NBPF20: variants seen among roughly 807,000 people sequenced by gnomAD.
NBPF20 encodes NBPF member 20.
A neutral mutation model predicts 68.1 loss-of-function variants in NBPF20; 90 were observed. The observed-to-expected ratio is 1.32, with a 90% CI of 1.11 to 1.58. The LOEUF is 1.58. Ranked by LOEUF, NBPF20 falls within the 40% of genes most tolerant of loss-of-function variation. The pLI is 0.00. For synonymous variants in NBPF20, 290 were observed against 228.1 expected, an observed-to-expected ratio of 1.27 and a Z score of -2.45; for missense variants, 816 against 601.2, an observed-to-expected ratio of 1.36 and a Z score of -3.74.
intron 119 of NBPF20, among the ~76,000 whole-genome samples, chr1:145,306,324 G>T (rs1370330690): frequency 6.9e-6 from 1 of 145,700 alleles, no homozygotes; most frequent in Non-Finnish European, 1.5e-5. Flanking sequence ...CACAGAGAGA[G>T]AGAACGAGCT....
intron 9 of NBPF20, 117 bp from the exon 15 acceptor site, chr1:145,393,363 T>C (rs1662010442): frequency 1.4e-6 from 1 of 708,838 alleles, no homozygotes; most frequent in African/African-American, 1.8e-5. Flanking sequence ...ACAGATCCAT[T>C]AATGAGGTAA....
chr1:145,402,538 GA>G (rs1662572181), intron 3 of NBPF20, among the ~76,000 whole-genome samples, 157 bp from the exon 9 acceptor site: 1 of 152,014 alleles, frequency 6.6e-6, no homozygotes, highest in African/African-American at 2.4e-5. Context: ...AGAAAGAATA[GA>G]AAATGGTTTA....
chr1:145,334,787 C>T (rs1661554623), intron 83 of NBPF20, among the ~76,000 whole-genome samples, 156 bp from the exon 89 acceptor site: 2 of 127,546 alleles, frequency 1.6e-5, no homozygotes, highest in Admixed American at 7.8e-5. Flanking sequence ...TTGGGATAGA[C>T]CAGGGCCAGG....
In NBPF20 at chr1:145,352,325, A is replaced by G. The variant is rs1291573510; in HGVS notation, c.7350-236T>C. 2.4e-4 allele frequency among the ~76,000 whole-genome samples: 22 copies of G among 90,870 alleles called. 2 individuals carry two copies. Among genetic ancestry groups the G allele is most frequent in the African/African-American group, 9.2e-4 (22 of 24,014 alleles). The allele number at this position is 90,870 out of a possible 152,430, so 59.6% of individuals were successfully genotyped here. A position where few individuals can be genotyped will look rare whatever the true frequency, so the allele number is the denominator to read the frequency against. On this transcript the variant is annotated intron_variant, in intron 61 of 137. Transcript: ENST00000369373. ...CACACACACACACACACACACACACACACAGACACACACACACACACAGAG... is the reference window on the plus strand; with the variant it reads ...CACACACACACACACACACACACACGCACAGACACACACACACACACAGAG...
chr1:145,395,595 T>C (rs1211393818), intron 7 of NBPF20, among the ~76,000 whole-genome samples: 2 of 149,860 alleles, frequency 1.3e-5, no homozygotes, highest in African/African-American at 2.5e-5. Context: ...ATTTCTTTTC[T>C]TGCAAAAATA....
intron 115 of NBPF20, among the ~76,000 whole-genome samples, chr1:145,309,455 C>T (rs1661446231): frequency 1.6e-5 from 1 of 61,898 alleles, no homozygotes; most frequent in Non-Finnish European, 3.2e-5. Flanking sequence ...GACACACACA[C>T]ACACACACAC....
chr1:145,291,476 C>A, exon 138 of NBPF20: 1 of 1,611,970 alleles, frequency 6.2e-7, no homozygotes, highest in Non-Finnish European at 8.5e-7. Context: ...CTTCACGTGC[C>A]TATAGGTCCT....
At chr1:145,394,245 T>C (rs1662101476) in intron 8 of NBPF20, among the ~76,000 whole-genome samples, 2 of 151,656 alleles carry the variant, frequency 1.3e-5, no homozygotes, top group African/African-American at 4.9e-5. Context: ...TAACACCTCA[T>C]AGGAGAGACA....
At chr1:145,292,030 T>C (rs782820070) in intron 137 of NBPF20, among the ~76,000 whole-genome samples, 4 of 149,512 alleles carry the variant, frequency 2.7e-5, no homozygotes, top group Non-Finnish European at 5.9e-5. Flanking sequence ...GGTGACATAC[T>C]GGTAAGGGAG....
intron 79 of NBPF20, among the ~76,000 whole-genome samples, chr1:145,338,068 G>A (rs1661589431): frequency 3.5e-5 from 3 of 85,204 alleles, no homozygotes; most frequent in Non-Finnish European, 4.9e-5. Context: ...GAGAGAGAAC[G>A]AGCTCAGTGA....
the NBPF20 span, among the ~76,000 whole-genome samples, chr1:145,412,498 G>A: frequency 6.6e-6 from 1 of 151,840 alleles, no homozygotes; most frequent in African/African-American, 2.4e-5. Context: ...AAGGAAACAA[G>A]GCAATATTTT....
Position 145,289,994 on chromosome 1 carries a change from G to A in NBPF20, c.*1532C>T, listed in dbSNP as rs3894993. ...AACACTGAATGTAAAAAACAATCCA[G>A]AAGTCCAGAGTGATAGGCAAAAGGT... On this transcript the variant is annotated 3_prime_UTR_variant, in exon 138 of 138. Coordinates refer to ENST00000369373, the Ensembl canonical transcript of NBPF20. 7 of 145,952 alleles carry A rather than the reference G, an allele frequency of 4.8e-5. No individual in the cohort carries two copies. The highest frequency in any genetic ancestry group is 2.0e-4 in the East Asian group (1 of 5,122). The allele number at this position is 145,952 out of a possible 1,614,324, so 9.0% of individuals were successfully genotyped here.
chr1:145,393,966 A>T lies in NBPF20; in HGVS notation c.992-31T>A, dbSNP rs2101535954. ...AATAAATTCAGATGGGCCCTCTTAC[A>T]TTAAGCAGTTCTTCCTTGCACACAG... On this transcript the variant is annotated intron_variant, in intron 8 of 137. Transcript: ENST00000369373. 4.4e-6 allele frequency: 5 copies of T among 1,138,330 alleles called. No individual in the cohort carries two copies. The East Asian group carries it at 1.2e-4, about 27-fold the overall frequency. 70.5% of individuals were successfully genotyped at this position (1,138,330 alleles called of 1,614,324 possible). A position where few individuals can be genotyped will look rare whatever the true frequency, so the allele number is the denominator to read the frequency against.
chr1:145,406,573 T>C (rs1488210221), upstream of NBPF20, among the ~76,000 whole-genome samples: 1 of 151,764 alleles, frequency 6.6e-6, no homozygotes, highest in Non-Finnish European at 1.5e-5. Flanking sequence ...GTAGGCCATT[T>C]CCAGTTGCTC....
chr1:145,417,569 A>G, the NBPF20 span, among the ~76,000 whole-genome samples: 1 of 150,648 alleles, frequency 6.6e-6, no homozygotes, highest in Non-Finnish European at 1.5e-5. Flanking sequence ...AATCTGATGG[A>G]AAAACTGCTG....
chr1:145,423,615 C>T, the NBPF20 span, among the ~76,000 whole-genome samples: 1 of 151,988 alleles, frequency 6.6e-6, no homozygotes, highest in Non-Finnish European at 1.5e-5. Flanking sequence ...TCAATGAAAA[C>T]TGGATAAAAA....
At chr1:145,395,962 CT>C (rs1231022238) in intron 7 of NBPF20, among the ~76,000 whole-genome samples, 1 of 144,062 alleles carries the variant, frequency 6.9e-6, no homozygotes, top group Non-Finnish European at 1.5e-5. Flanking sequence ...AGGATCGCAG[CT>C]CCTCGCCAGC....
chr1:145,424,281 G>A, the NBPF20 span, among the ~76,000 whole-genome samples: 1 of 150,888 alleles, frequency 6.6e-6, no homozygotes, highest in Non-Finnish European at 1.5e-5. Context: ...CGGACCACCT[G>A]CACATTTAAA....
At chr1:145,408,135 T>A (rs587705121), upstream of NBPF20, 1 of 218,084 alleles carries the variant, frequency 4.6e-6, no homozygotes, top group South Asian at 9.1e-5. Context: ...CAAGTAATGT[T>A]ATGAAATGGC....
Sources: allele counts gnomAD v4.1 joint callset (sites outside exome capture counted in the v4.1 genomes callset), GRCh38; gene constraint gnomAD v4.1.1; transcripts MANE v1.5; gene names NCBI Gene and HGNC (gene_info 2026-07-23, HGNC 2026-07-21).